Variants in PPP1R9A observed in about 807,000 individuals in gnomAD.
PPP1R9A encodes protein phosphatase 1 regulatory subunit 9A.
A neutral mutation model predicts 141.9 loss-of-function variants in PPP1R9A; 59 were observed. The observed-to-expected ratio is 0.42, with a 90% CI of 0.34 to 0.52. The LOEUF is 0.52. Among genes scored for constraint, PPP1R9A ranks in the 20% least tolerant of loss-of-function variants. The pLI, the probability that PPP1R9A is intolerant of heterozygous loss-of-function variation, is 0.10. For missense variants in PPP1R9A, 1,444 were observed against 1,611.9 expected, an observed-to-expected ratio of 0.90 and a Z score of 1.78; for synonymous variants, 500 against 569.7, an observed-to-expected ratio of 0.88 and a Z score of 1.74.
intron 12 of PPP1R9A, among the ~76,000 whole-genome samples, chr7:95,256,860 C>T (rs1799658865): frequency 6.6e-6 from 1 of 151,988 alleles, no homozygotes; most frequent in Admixed American, 6.6e-5. Context: ...ATAGCAAAAA[C>T]TATGTATAAG....
At chr7:94,974,611 C>CGTCAGGTCAGTGTTGACT (rs1489190115) in intron 2 of PPP1R9A, among the ~76,000 whole-genome samples, 8 of 152,136 alleles carry the variant, frequency 5.3e-5, no homozygotes, top group Admixed American at 5.2e-4. Context: ...TCTTTAGTTA[C>CGTCAGGTCAGTGTTGACT]GTCAGGTCAA....
chr7:95,070,937 A>C (rs547954534), intron 2 of PPP1R9A, among the ~76,000 whole-genome samples: 5 of 152,018 alleles, frequency 3.3e-5, no homozygotes, highest in Non-Finnish European at 5.9e-5. Flanking sequence ...TCAGATGATC[A>C]AGGTAATGTT....
intron 8 of PPP1R9A, among the ~76,000 whole-genome samples, chr7:95,235,011 C>T (rs942470120): frequency 6.6e-6 from 1 of 152,066 alleles, no homozygotes; most frequent in African/African-American, 2.4e-5. Context: ...ATACAAAAAT[C>T]AACTCAAGAT....
chr7:95,160,448 T>C (rs1830308017), intron 4 of PPP1R9A, among the ~76,000 whole-genome samples: 1 of 152,212 alleles, frequency 6.6e-6, no homozygotes, highest in Non-Finnish European at 1.5e-5. Context: ...GGAATATGTA[T>C]GTTTGGTAAA....
intron 12 of PPP1R9A, among the ~76,000 whole-genome samples, chr7:95,252,444 A>G (rs1433529538): frequency 2.1e-5 from 3 of 146,296 alleles, no homozygotes; most frequent in Admixed American, 6.8e-5. Context: ...TACACTACTT[A>G]TGTGTTAATG....
intron 4 of PPP1R9A, among the ~76,000 whole-genome samples, chr7:95,158,767 CA>C (rs1341659557): frequency 6.6e-6 from 1 of 152,102 alleles, no homozygotes; most frequent in East Asian, 1.9e-4. Flanking sequence ...CCAACAACAA[CA>C]GTGTAACAAA....
rs1791413415 is a variant in PPP1R9A, at chr7:94,911,203, C to A, written c.1090C>A (p.Leu364Ile). Residue 364 changes from leucine (L) to isoleucine (I), a missense_variant, in exon 2 of 20, where the codon CTT becomes ATT. Coordinates refer to ENST00000433360, the MANE Select transcript of PPP1R9A (RefSeq NM_001166160.2). ...REAAKQQRKE[L>I]AGGDFTSPDA... is the part of the protein sequence containing the mutation. Reference sequence around the variant, plus strand: ...GGCAGCAAAGCAACAGAGGAAAGAACTTGCAGGTGGTGATTTCACCTCTCC... The same window carrying A: ...GGCAGCAAAGCAACAGAGGAAAGAAATTGCAGGTGGTGATTTCACCTCTCC... The A allele has an allele frequency of 6.2e-7, 1 of 1,614,206 alleles. No individual in the cohort carries two copies. The highest frequency in any genetic ancestry group is 8.5e-7 in the Non-Finnish European group (1 of 1,180,026).
chr7:95,003,847 T>C (rs903689808), intron 2 of PPP1R9A, among the ~76,000 whole-genome samples: 1 of 152,210 alleles, frequency 6.6e-6, no homozygotes, highest in African/African-American at 2.4e-5. Flanking sequence ...AGTTGAACTT[T>C]CTTTTATCTT....
chr7:95,082,338 C>T (rs796704298), intron 2 of PPP1R9A, among the ~76,000 whole-genome samples: 15 of 151,156 alleles, frequency 9.9e-5, no homozygotes, highest in African/African-American at 3.4e-4. Context: ...TGAGCATGCT[C>T]GGAAAATACC....
In PPP1R9A at chr7:95,170,756, G is replaced by A. The variant is rs150852838; in HGVS notation, c.1754+8785G>A. 3.1e-3 allele frequency among the ~76,000 whole-genome samples: 471 copies of A among 151,416 alleles called. 3 individuals carry two copies. The highest frequency in any genetic ancestry group is 0.011 in the African/African-American group (436 of 41,472). On this transcript the variant is annotated intron_variant, in intron 5 of 19. Coordinates refer to ENST00000433360, the MANE Select transcript of PPP1R9A (RefSeq NM_001166160.2). ...TTTAATAATGTAAATAATATAAAAC[G>A]AAATTCTAGACCTACAGAAGGAAAT...
chr7:95,110,362 AT>A (rs1226703335), intron 2 of PPP1R9A, among the ~76,000 whole-genome samples: 1 of 152,016 alleles, frequency 6.6e-6, no homozygotes, highest in Admixed American at 6.6e-5. Flanking sequence ...AGATTTTATG[AT>A]TTTTGGGGGA....
At chr7:95,119,882 T>A (rs1822219308) in intron 3 of PPP1R9A, among the ~76,000 whole-genome samples, 1 of 151,900 alleles carries the variant, frequency 6.6e-6, no homozygotes, top group Non-Finnish European at 1.5e-5. Flanking sequence ...AGTATATGTA[T>A]ATATTATAGT....
At chr7:94,986,201 T>C (rs189561316) in intron 2 of PPP1R9A, among the ~76,000 whole-genome samples, 1 of 152,302 alleles carries the variant, frequency 6.6e-6, no homozygotes, top group Admixed American at 6.5e-5. Flanking sequence ...TTGCTCAAAT[T>C]CTAGAAGAAC....
Position 95,247,520 on chromosome 7 carries a change from G to C in PPP1R9A, c.2160G>C (p.Lys720Asn). ...AVTEAEIQKL[K>N]TKLQAAENEK... ...CAGAAGCAGAGATTCAAAAATTGAA[G>C]ACCAAGGTAAGCACCGAAACATGGT... Residue 720 changes from lysine to asparagine, a missense_variant, in exon 9 of 20, where the codon AAG becomes AAC. By Grantham distance (94) the Lys-to-Asn change is moderately conservative. This residue lies in a region of PPP1R9A where 488 missense variants were observed against 542.0 expected (regional missense o/e 0.90). Transcript: ENST00000433360. The C allele has an allele frequency of 6.2e-7, 1 of 1,607,326 alleles. No homozygotes were observed. Among genetic ancestry groups the C allele is most frequent in the African/African-American group, 1.3e-5 (1 of 74,840 alleles).
At chr7:95,086,005 T>G (rs548989878) in intron 2 of PPP1R9A, among the ~76,000 whole-genome samples, 1 of 151,584 alleles carries the variant, frequency 6.6e-6, no homozygotes, top group African/African-American at 2.4e-5. Context: ...ATTTAATGTG[T>G]TTTTTTTCTT....
chr7:95,106,754 C>T (rs1819574915), intron 2 of PPP1R9A, among the ~76,000 whole-genome samples: 1 of 152,108 alleles, frequency 6.6e-6, no homozygotes, highest in Admixed American at 6.5e-5. Flanking sequence ...CTTTCCTCTT[C>T]AAAAGTATCC....
intron 7 of PPP1R9A, among the ~76,000 whole-genome samples, chr7:95,205,514 A>G (rs1444857285): frequency 1.3e-5 from 2 of 152,226 alleles, no homozygotes; most frequent in Non-Finnish European, 2.9e-5. Flanking sequence ...TATTAGTTGA[A>G]TAATTTACCA....
At chr7:95,200,212 C>T (rs1453835088) in intron 6 of PPP1R9A, among the ~76,000 whole-genome samples, 1 of 151,560 alleles carries the variant, frequency 6.6e-6, no homozygotes, top group Admixed American at 6.6e-5. Flanking sequence ...ACATTTTCTG[C>T]AGGTATTTTG....
chr7:94,919,564 C>G (rs950558153), intron 2 of PPP1R9A, among the ~76,000 whole-genome samples: 2 of 152,016 alleles, frequency 1.3e-5, no homozygotes, highest in Non-Finnish European at 2.9e-5. Context: ...TTATTTCTAT[C>G]CTACTTCTCT....
Sources: gnomAD v4.1 joint callset for allele counts (sites outside exome capture counted in the v4.1 genomes callset) on GRCh38, gnomAD v4.1.1 for gene constraint, gnomAD v4.1.1 regional missense constraint, MANE v1.5 for transcripts, NCBI Gene and HGNC (gene_info 2026-07-23, HGNC 2026-07-21) for gene names.